EBF3: variants seen among roughly 807,000 people sequenced by gnomAD.
The protein encoded by EBF3 is EBF transcription factor 3.
A neutral mutation model predicts 77.1 loss-of-function variants in EBF3; 18 were observed. The observed-to-expected ratio is 0.23, with a 90% CI of 0.16 to 0.35. The LOEUF is 0.35. Among genes scored for constraint, EBF3 ranks in the 10% least tolerant of loss-of-function variants. The pLI is 1.00. For synonymous variants in EBF3, 350 were observed against 343.5 expected, an observed-to-expected ratio of 1.02 and a Z score of -0.21; for missense variants, 558 against 860.0, an observed-to-expected ratio of 0.65 and a Z score of 4.39.
At chr10:129,895,255 C>T (rs1458117737) in intron 6 of EBF3, among the ~76,000 whole-genome samples, 1 of 152,250 alleles carries the variant, frequency 6.6e-6, no homozygotes, top group African/African-American at 2.4e-5. Context: ...GGGAAGCCAC[C>T]TGGCTGCTCT....
At chr10:129,884,019 T>C (rs112963009) in intron 6 of EBF3, among the ~76,000 whole-genome samples, 52 of 152,334 alleles carry the variant, frequency 3.4e-4, no homozygotes, top group Admixed American at 1.0e-3. Flanking sequence ...GGCTGCAGCC[T>C]TTACTGTGCT....
intron 6 of EBF3, among the ~76,000 whole-genome samples, chr10:129,886,027 GTTTTAATTTTTTTTTT>G (rs1357882118): frequency 3.0e-5 from 4 of 134,910 alleles, no homozygotes; most frequent in Non-Finnish European, 4.7e-5. Context: ...GTTGTTTTTG[GTTTTAATTTTTTTTTT>G]TTTTTTTTTT....
chr10:129,885,915 G>T lies in EBF3; in HGVS notation c.555-8066C>A, dbSNP rs1853544448. ...TTCAAGCCTCTCCCACCATACGCGT[G>T]TGTGTTTTTAGGGATCTGAAGATCA... is the stretch of plus-strand genomic sequence containing the variant. On this transcript the variant is annotated intron_variant, in intron 6 of 16. Transcript: ENST00000440978. This position sits in a 1 kb window ranked among gnomAD's most constrained non-coding sequence, Gnocchi z 4.0. Among the ~76,000 whole-genome samples, 1 of 152,140 alleles carries T rather than the reference G, an allele frequency of 6.6e-6. No homozygotes were observed. Among genetic ancestry groups the T allele is most frequent in the African/African-American group, 2.4e-5 (1 of 41,436 alleles).
intron 11 of EBF3, among the ~76,000 whole-genome samples, chr10:129,844,953 C>A (rs1850350284): frequency 6.6e-6 from 1 of 152,112 alleles, no homozygotes; most frequent in African/African-American, 2.4e-5. Context: ...TTTTAAGCAA[C>A]GATTAAAGCA....
In EBF3 at chr10:129,870,530, G is replaced by A. The variant is rs1852332218; in HGVS notation, c.782-2618C>T. Among the ~76,000 whole-genome samples, 1 of 152,114 alleles carries A rather than the reference G, an allele frequency of 6.6e-6. No individual in the cohort carries two copies. The highest frequency in any genetic ancestry group is 1.5e-5 in the Non-Finnish European group (1 of 68,014). ...GAGCTGCCAGGGTCCAGAGAAAGGAGGCGTGGCGAGTCTCCCCTGCGGATC... is the reference window on the plus strand; with the variant it reads ...GAGCTGCCAGGGTCCAGAGAAAGGAAGCGTGGCGAGTCTCCCCTGCGGATC... On this transcript the variant is annotated intron_variant, in intron 8 of 16. Coordinates refer to ENST00000440978, the MANE Select transcript of EBF3 (RefSeq NM_001375380.1). This position sits in a 1 kb window ranked among gnomAD's most constrained non-coding sequence, Gnocchi z 4.4.
rs1359939341 is a variant in EBF3 at position 129,885,385 on chromosome 10, G to T, written c.555-7536C>A. 6.6e-6 allele frequency among the ~76,000 whole-genome samples: 1 copy of T among 152,162 alleles called. No homozygotes were observed. The highest frequency in any genetic ancestry group is 1.5e-5 in the Non-Finnish European group (1 of 68,032). ...ACACTCTAAAGGCAAGTACATCCCA[G>T]AGCTACAAGCTTCGTCAGCCACCCC... On this transcript the variant is annotated intron_variant, in intron 6 of 16. Transcript: ENST00000440978. This position sits in a 1 kb window ranked among gnomAD's most constrained non-coding sequence, Gnocchi z 4.0.
intron 6 of EBF3, among the ~76,000 whole-genome samples, chr10:129,884,599 G>T (rs1418361702): frequency 6.6e-6 from 1 of 152,164 alleles, no homozygotes; most frequent in African/African-American, 2.4e-5. Flanking sequence ...ACGTCATAGC[G>T]AAGGGGCAGA....
Position 129,840,262 on chromosome 10 carries a change from T to TTGGCGC in EBF3, c.1736_1741dup (p.Ser579_Ala580dup). 1 of 1,561,386 alleles carries TTGGCGC rather than the reference T, an allele frequency of 6.4e-7. No individual in the cohort carries two copies. Among genetic ancestry groups the TTGGCGC allele is most frequent in the Admixed American group, 1.8e-5 (1 of 54,602 alleles). On this transcript the variant is annotated inframe_insertion, in exon 15 of 17. Transcript: ENST00000440978. ...ACCCTCACCTTGCAGTCCATTCCCGTTGGCGCTGGTGCAGGAAGGAGGAGG... is the reference window on the plus strand; with the variant it reads ...ACCCTCACCTTGCAGTCCATTCCCGTTGGCGCTGGCGCTGGTGCAGGAAGGAGGAGG...
chr10:129,949,427 T>G (rs1259751533), intron 6 of EBF3, among the ~76,000 whole-genome samples: 3 of 152,122 alleles, frequency 2.0e-5, no homozygotes, highest in Non-Finnish European at 4.4e-5. Context: ...TAAGCCGGCT[T>G]TCCTGGGTGT....
In EBF3 at chr10:129,907,458, G is replaced by A. The variant is rs1045889467; in HGVS notation, c.555-29609C>T. ...CCTCTTAAACAGAATTTGATTAGGTGACGACAAAATCTATTTCTCTCACTC... is the reference window on the plus strand; with the variant it reads ...CCTCTTAAACAGAATTTGATTAGGTAACGACAAAATCTATTTCTCTCACTC... On this transcript the variant is annotated intron_variant, in intron 6 of 16. Coordinates refer to ENST00000440978, the MANE Select transcript of EBF3 (RefSeq NM_001375380.1). 1.1e-4 allele frequency among the ~76,000 whole-genome samples: 16 copies of A among 152,184 alleles called. No homozygotes were observed. The East Asian group carries it at 2.9e-3, about 27-fold the overall frequency.
At chr10:129,874,121 A>G (rs1852592313) in intron 7 of EBF3, among the ~76,000 whole-genome samples, 1 of 152,234 alleles carries the variant, frequency 6.6e-6, no homozygotes, top group Non-Finnish European at 1.5e-5. Flanking sequence ...TTTTACAATT[A>G]CATTTAATGT....
intron 6 of EBF3, among the ~76,000 whole-genome samples, chr10:129,910,133 G>A (rs1372757759): frequency 6.6e-6 from 1 of 152,174 alleles, no homozygotes; most frequent in Non-Finnish European, 1.5e-5. Context: ...CACTCGGACC[G>A]CCGGGCCAGG....
rs894147800 is a variant in EBF3 at position 129,959,726 on chromosome 10, C to G, written c.412-719G>C. Among the ~76,000 whole-genome samples the G allele has an allele frequency of 5.3e-5, 8 of 151,930 alleles. 1 individual carries two copies. The highest frequency in any genetic ancestry group is 1.9e-4 in the African/African-American group (8 of 41,506). The stretch of plus-strand genomic sequence containing the variant: ...CCTGGCCTCTGCACGCTGCGGGCGG[C>G]CTGGGAGCCCAGGCGGGAGGCCCAG... On this transcript the variant is annotated intron_variant, in intron 4 of 16. Coordinates refer to ENST00000440978, the MANE Select transcript of EBF3 (RefSeq NM_001375380.1).
At chr10:129,840,185 C>CAACCAA in intron 15 of EBF3, 60 bp downstream of exon 15, 3 of 1,368,930 alleles carry the variant, frequency 2.2e-6, no homozygotes, top group Non-Finnish European at 3.0e-6. Flanking sequence ...CCCACCCCCA[C>CAACCAA]TCCCATCCCC....
rs546457735 is a variant in EBF3, at chr10:129,944,849, C to G, written c.554+12409G>C. 6.6e-6 allele frequency among the ~76,000 whole-genome samples: 1 copy of G among 151,278 alleles called. No individual in the cohort carries two copies. The highest frequency in any genetic ancestry group is 1.5e-5 in the Non-Finnish European group (1 of 67,926). On this transcript the variant is annotated intron_variant, in intron 6 of 16. Transcript: ENST00000440978. The surrounding 1 kb of genome is among the most constrained non-coding windows in gnomAD (Gnocchi z 5.1). ...ATCAAGCAAAGGTTATTATCCTCTT[C>G]GAAAACACTATAGAATATGTACGAA...
At chr10:129,875,801 C>G (rs892543433) in intron 7 of EBF3, among the ~76,000 whole-genome samples, 1 of 152,232 alleles carries the variant, frequency 6.6e-6, no homozygotes, top group Non-Finnish European at 1.5e-5. Flanking sequence ...TTTGGTACCA[C>G]GAGTGGGCCT....
chr10:129,888,168 C>G (rs947022400), intron 6 of EBF3, among the ~76,000 whole-genome samples: 2 of 152,214 alleles, frequency 1.3e-5, no homozygotes, highest in African/African-American at 2.4e-5. Flanking sequence ...TCACGCCCTC[C>G]GCGTGATTTT....
chr10:129,923,720 G>A (rs184428656), intron 6 of EBF3, among the ~76,000 whole-genome samples: 12 of 152,244 alleles, frequency 7.9e-5, no homozygotes, highest in East Asian at 1.9e-4. Flanking sequence ...CAAAGATGTC[G>A]CAACATTGGA....
At chr10:129,907,678 G>T (rs556934553) in intron 6 of EBF3, among the ~76,000 whole-genome samples, 1 of 152,134 alleles carries the variant, frequency 6.6e-6, no homozygotes, top group Non-Finnish European at 1.5e-5. Context: ...AAATCTTTCA[G>T]TTTCAGTCAA....
Sources: gnomAD v4.1 joint callset for allele counts (sites outside exome capture counted in the v4.1 genomes callset) on GRCh38, gnomAD v4.1.1 for gene constraint, Gnocchi (gnomAD v3.1) non-coding constraint, MANE v1.5 for transcripts, NCBI Gene and HGNC (gene_info 2026-07-23, HGNC 2026-07-21) for gene names.